ZNF644: variants seen among roughly 807,000 people sequenced by gnomAD.
The protein encoded by ZNF644 is zinc finger motif enhancer binding protein 2.
Under a neutral mutation model 108.0 loss-of-function variants are expected in ZNF644, and 20 were observed. That is an observed-to-expected ratio of 0.19 (90% CI 0.13 to 0.27). The LOEUF (loss-of-function observed/expected upper bound fraction) is 0.27, where lower values mean the gene tolerates loss of function less well. ZNF644 is among the 10% of genes least tolerant of loss of function. The pLI, the probability that ZNF644 is intolerant of heterozygous loss-of-function variation, is 1.00. For missense variants in ZNF644, 1,338 were observed against 1,548.9 expected, an observed-to-expected ratio of 0.86 and a Z score of 2.29; for synonymous variants, 542 against 539.1, an observed-to-expected ratio of 1.01 and a Z score of -0.08.
Position 90,916,645 on chromosome 1 carries a change from T to TA in ZNF644, c.*152dup. ...AAAATATATAGACTACTTACTGTTTTAAGTATTCAATTTGCTCTGATGTCA... is the reference window on the plus strand; with the variant it reads ...AAAATATATAGACTACTTACTGTTTTAAAGTATTCAATTTGCTCTGATGTCA... On this transcript the variant is annotated 3_prime_UTR_variant, in exon 6 of 6. Transcript: ENST00000337393. 1.3e-6 allele frequency: 1 copy of TA among 776,592 alleles called. No homozygotes were observed. Among genetic ancestry groups the TA allele is most frequent in the Non-Finnish European group, 2.1e-6 (1 of 471,180 alleles). 48.1% of individuals were successfully genotyped at this position (776,592 alleles called of 1,614,324 possible).
At chr1:90,998,259 C>T (rs1394881465) in intron 1 of ZNF644, among the ~76,000 whole-genome samples, 2 of 152,206 alleles carry the variant, frequency 1.3e-5, no homozygotes, top group African/African-American at 4.8e-5. Context: ...TCAAGTGGGT[C>T]CCTGATCCCT....
chr1:90,992,848 C>T (rs2101603048), intron 1 of ZNF644, among the ~76,000 whole-genome samples: 1 of 152,180 alleles, frequency 6.6e-6, no homozygotes, highest in Non-Finnish European at 1.5e-5. Flanking sequence ...GAAGTTCAAG[C>T]AGCCTGAGCA....
intron 4 of ZNF644, among the ~76,000 whole-genome samples, chr1:90,924,342 T>G (rs943555374): frequency 6.6e-6 from 1 of 152,168 alleles, no homozygotes; most frequent in Non-Finnish European, 1.5e-5. Context: ...CATCAACCAC[T>G]TTTGTAAGAC....
In ZNF644 at chr1:90,940,106, A is replaced by G. The variant is rs777071057; in HGVS notation, c.1248T>C (p.Asn416=). The G allele has an allele frequency of 1.9e-6, 3 of 1,614,064 alleles. No homozygotes were observed. The highest frequency in any genetic ancestry group is 1.1e-5 in the South Asian group (1 of 91,078). Residue 416 remains asparagine, a synonymous_variant, in exon 3 of 6, where the codon AAT becomes AAC. Transcript: ENST00000337393. ...EPSFYPCTKC[N]VNFREKKHLH... is the part of the protein sequence containing the mutation. Reference sequence around the variant, plus strand: ...GGTGCTTCTTCTCCCTAAAATTCACATTGCACTTTGTACAGGGGTAGAATG... The same window carrying G: ...GGTGCTTCTTCTCCCTAAAATTCACGTTGCACTTTGTACAGGGGTAGAATG...
chr1:90,969,210 C>T (rs1655223705), intron 2 of ZNF644, among the ~76,000 whole-genome samples: 2 of 152,026 alleles, frequency 1.3e-5, no homozygotes, highest in Admixed American at 6.6e-5. Flanking sequence ...AAGATTAGGA[C>T]ATACAGAGAG....
intron 1 of ZNF644, among the ~76,000 whole-genome samples, chr1:90,991,154 C>G (rs1249178737): frequency 6.6e-6 from 1 of 152,152 alleles, no homozygotes; most frequent in African/African-American, 2.4e-5. Context: ...GGCAACAATA[C>G]ATGAATGACA....
At chr1:90,930,622 C>T (rs562436836) in intron 4 of ZNF644, among the ~76,000 whole-genome samples, 37 of 152,168 alleles carry the variant, frequency 2.4e-4, no homozygotes, top group African/African-American at 7.9e-4. Context: ...TTTACTGGCT[C>T]ATGACCAGCA....
intron 4 of ZNF644, among the ~76,000 whole-genome samples, chr1:90,921,388 C>G (rs932871736): frequency 1.3e-5 from 2 of 151,972 alleles, no homozygotes; most frequent in African/African-American, 4.8e-5. Context: ...ATTTTATTTG[C>G]ACTTGTTAGT....
chr1:90,921,789 A>G (rs550805308), intron 4 of ZNF644, among the ~76,000 whole-genome samples: 4 of 152,256 alleles, frequency 2.6e-5, no homozygotes, highest in Non-Finnish European at 4.4e-5. Context: ...GTCTTGGTCA[A>G]ATACAAATAT....
intron 1 of ZNF644, among the ~76,000 whole-genome samples, chr1:90,995,101 A>C (rs1288491277): frequency 1.3e-5 from 2 of 152,236 alleles, no homozygotes; most frequent in African/African-American, 2.4e-5. Context: ...AAAAAAGAAA[A>C]GTAAATCAAC....
At chr1:90,934,291 A>T (rs146334965) in intron 4 of ZNF644, among the ~76,000 whole-genome samples, 78 of 152,310 alleles carry the variant, frequency 5.1e-4, no homozygotes, top group African/African-American at 1.7e-3. Flanking sequence ...TAGTATAAAT[A>T]TAAGTGGTTT....
intron 1 of ZNF644, among the ~76,000 whole-genome samples, chr1:90,996,603 G>T (rs890841057): frequency 6.6e-6 from 1 of 152,138 alleles, no homozygotes; most frequent in Non-Finnish European, 1.5e-5. Flanking sequence ...TGGGCAACAT[G>T]GTGGTACCCC....
At chr1:90,973,378 G>C (rs1439922428) in intron 2 of ZNF644, among the ~76,000 whole-genome samples, 1 of 152,074 alleles carries the variant, frequency 6.6e-6, no homozygotes, top group African/African-American at 2.4e-5. Flanking sequence ...TCTGTTGAGA[G>C]CAGTATAACA....
At chr1:90,953,778 T>C (rs780351368) in intron 2 of ZNF644, among the ~76,000 whole-genome samples, 1 of 151,854 alleles carries the variant, frequency 6.6e-6, no homozygotes, top group Non-Finnish European at 1.5e-5. Context: ...TAGCCAGGTG[T>C]GGTGGCAGGC....
chr1:90,948,387 T>A (rs1652733341), intron 2 of ZNF644, among the ~76,000 whole-genome samples: 1 of 152,206 alleles, frequency 6.6e-6, no homozygotes, highest in Non-Finnish European at 1.5e-5. Context: ...AATGCAAACA[T>A]GGTGGCTTTA....
chr1:91,001,450 A>G (rs191283011), intron 1 of ZNF644, among the ~76,000 whole-genome samples: 1 of 152,356 alleles, frequency 6.6e-6, no homozygotes, highest in East Asian at 1.9e-4. Flanking sequence ...GATTATCTCA[A>G]TAGATGCAGA....
At chr1:90,951,330 C>G (rs1653139914) in intron 2 of ZNF644, among the ~76,000 whole-genome samples, 1 of 152,156 alleles carries the variant, frequency 6.6e-6, no homozygotes. Flanking sequence ...CTGAAAGGAC[C>G]TACAGAGAGA....
At chr1:91,004,301 C>G (rs1424035363) in intron 1 of ZNF644, among the ~76,000 whole-genome samples, 1 of 152,020 alleles carries the variant, frequency 6.6e-6, no homozygotes, top group Non-Finnish European at 1.5e-5. Flanking sequence ...AGAGAGAATC[C>G]TAAAAGAAGC....
chr1:90,975,418 A>G (rs1655890936), intron 2 of ZNF644, among the ~76,000 whole-genome samples: 1 of 151,934 alleles, frequency 6.6e-6, no homozygotes, highest in South Asian at 2.1e-4. Flanking sequence ...AGAAGACCCT[A>G]AAAGTTTCAA....
Sources: allele counts gnomAD v4.1 joint callset (sites outside exome capture counted in the v4.1 genomes callset), GRCh38; gene constraint gnomAD v4.1.1; transcripts MANE v1.5; gene names NCBI Gene and HGNC (gene_info 2026-07-23, HGNC 2026-07-21).